The following RANBP2 variants were observed in gnomAD, a reference collection of about 807,000 sequenced individuals.
RANBP2 encodes E3 SUMO-protein ligase RanBP2.
Under a neutral mutation model 303.6 loss-of-function variants are expected in RANBP2, and 57 were observed. That is an observed-to-expected ratio of 0.19 (90% CI 0.15 to 0.23). The LOEUF is 0.23. Among genes scored for constraint, RANBP2 ranks in the 10% least tolerant of loss-of-function variants. The pLI, the probability that RANBP2 is intolerant of heterozygous loss-of-function variation, is 1.00. For missense variants in RANBP2, 3,138 were observed against 3,780.8 expected (o/e 0.83, Z 4.46); for synonymous variants, 1,167 against 1,301.5 (o/e 0.90, Z 2.23).
the RANBP2 span, among the ~76,000 whole-genome samples, chr2:109,220,116 A>G: frequency 6.6e-6 from 1 of 152,238 alleles, no homozygotes; most frequent in African/African-American, 2.4e-5. Context: ...CCAGAAACAA[A>G]CTGTCACATG....
the RANBP2 span, among the ~76,000 whole-genome samples, chr2:109,052,744 C>T: frequency 6.6e-6 from 1 of 152,146 alleles, no homozygotes; most frequent in Non-Finnish European, 1.5e-5. Flanking sequence ...AAGTGATCCT[C>T]CCGCCTTGGC....
chr2:109,067,532 C>T, the RANBP2 span, among the ~76,000 whole-genome samples: 11 of 152,190 alleles, frequency 7.2e-5, no homozygotes, highest in East Asian at 1.9e-4. Context: ...GTCCCTCCAC[C>T]GCTCTGCGTC....
At chr2:109,168,037 C>T in the RANBP2 span, among the ~76,000 whole-genome samples, 10 of 152,308 alleles carry the variant, frequency 6.6e-5, no homozygotes, top group Admixed American at 2.6e-4. Context: ...CTGTTCTGTG[C>T]AAAGTCTCTG....
chr2:109,012,741 C>T, the RANBP2 span, among the ~76,000 whole-genome samples: 23 of 152,136 alleles, frequency 1.5e-4, no homozygotes, highest in Non-Finnish European at 2.2e-4. Flanking sequence ...GGTGAAACCC[C>T]ATCTCTACTA....
chr2:108,891,555 T>C, the RANBP2 span, among the ~76,000 whole-genome samples: 1 of 152,202 alleles, frequency 6.6e-6, no homozygotes. Flanking sequence ...GCCCTAGTGA[T>C]GACAGCAATG....
chr2:109,221,231 T>G, the RANBP2 span, among the ~76,000 whole-genome samples: 1 of 152,220 alleles, frequency 6.6e-6, no homozygotes, highest in South Asian at 2.1e-4. Flanking sequence ...TTAATTTTTT[T>G]CTTTTCAATA....
chr2:108,930,244 T>C, the RANBP2 span: 2 of 1,614,062 alleles, frequency 1.2e-6, no homozygotes, highest in Non-Finnish European at 1.7e-6. Context: ...CAGAGACACC[T>C]GCCAACAAAG....
chr2:109,677,097 C>T, the RANBP2 span, among the ~76,000 whole-genome samples: 1,766 of 152,220 alleles, frequency 0.012, 48 homozygotes, highest in African/African-American at 0.04. Flanking sequence ...TTGGCTGGAG[C>T]CCTCTCATCA....
rs1024870855 is a variant in RANBP2 at position 108,742,180 on chromosome 2, G to C, written c.975+1499G>C. ...CCCGTCTAATTTTGTATTTTTAGTA[G>C]AGACGGGGTTTCTCCATGTTGGTCA... On this transcript the variant is annotated intron_variant, in intron 7 of 28. Transcript: ENST00000283195. Among the ~76,000 whole-genome samples, 26 of 151,930 alleles carry C rather than the reference G, an allele frequency of 1.7e-4. 1 individual carries two copies. The highest frequency in any genetic ancestry group is 7.4e-5 in the Non-Finnish European group (5 of 68,002).
At chr2:109,145,271 T>C in the RANBP2 span, among the ~76,000 whole-genome samples, 1,359 of 152,234 alleles carry the variant, frequency 8.9e-3, 12 homozygotes, top group East Asian at 0.034. Context: ...CCCCGGTGAT[T>C]GTCTTAAAAT....
the RANBP2 span, chr2:108,815,924 T>C: frequency 6.3e-7 from 1 of 1,579,252 alleles, no homozygotes; most frequent in African/African-American, 1.4e-5. Context: ...ATAAATGATT[T>C]AATTTTTGAC....
the RANBP2 span, among the ~76,000 whole-genome samples, chr2:109,045,580 T>C: frequency 6.6e-6 from 1 of 152,084 alleles, no homozygotes; most frequent in Admixed American, 6.5e-5. Context: ...GAGACCCTGA[T>C]AGAAACCCCA....
the RANBP2 span, among the ~76,000 whole-genome samples, chr2:108,813,892 T>A: frequency 2.0e-5 from 3 of 152,220 alleles, no homozygotes; most frequent in Non-Finnish European, 4.4e-5. Flanking sequence ...GTAAGGCTTT[T>A]CTCAGCATAA....
the RANBP2 span, among the ~76,000 whole-genome samples, chr2:109,375,438 G>A: frequency 6.9e-6 from 1 of 144,578 alleles, no homozygotes; most frequent in Non-Finnish European, 1.5e-5. Context: ...GTGTCCACTC[G>A]GGCACAGAGA....
chr2:109,449,617 A>G, the RANBP2 span: 1 of 1,223,374 alleles, frequency 8.2e-7, no homozygotes, highest in Non-Finnish European at 1.1e-6. Flanking sequence ...CTGCCCCTAG[A>G]TGAACCAGGC....
chr2:109,067,174 A>G, the RANBP2 span, among the ~76,000 whole-genome samples: 2 of 152,096 alleles, frequency 1.3e-5, no homozygotes, highest in African/African-American at 2.4e-5. Context: ...CGAAGGACGC[A>G]CAGTGAGGAC....
chr2:108,848,472 A>T, the RANBP2 span, among the ~76,000 whole-genome samples: 1 of 152,214 alleles, frequency 6.6e-6, no homozygotes, highest in Non-Finnish European at 1.5e-5. Context: ...TAAATAATGG[A>T]TGGATGAATA....
the RANBP2 span, among the ~76,000 whole-genome samples, chr2:109,203,024 G>A: frequency 6.6e-6 from 1 of 152,182 alleles, no homozygotes; most frequent in Non-Finnish European, 1.5e-5. Flanking sequence ...TACTGGCCTG[G>A]CCATGGTCCT....
the RANBP2 span, among the ~76,000 whole-genome samples, chr2:109,507,284 C>T: frequency 6.6e-6 from 1 of 152,222 alleles, no homozygotes; most frequent in African/African-American, 2.4e-5. Context: ...CCTCACAGAC[C>T]AGGGACCGTC....
Sources: gnomAD v4.1 joint callset for allele counts (sites outside exome capture counted in the v4.1 genomes callset) on GRCh38, gnomAD v4.1.1 for gene constraint, MANE v1.5 for transcripts, NCBI Gene and HGNC (gene_info 2026-07-23, HGNC 2026-07-21) for gene names.